The following DYNLL1 variants were observed in gnomAD, a reference collection of about 807,000 sequenced individuals.
The protein encoded by DYNLL1 is dynein light chain 1, cytoplasmic.
DYNLL1 carries 3 observed loss-of-function variants against 10.1 expected under a neutral mutation model. The ratio of observed to expected loss-of-function variants is 0.30; its 90% CI spans 0.14 to 0.77. The LOEUF (loss-of-function observed/expected upper bound fraction) is 0.77, where lower values mean the gene tolerates loss of function less well. Among genes scored for constraint, DYNLL1 ranks in the 30% least tolerant of loss-of-function variants. The probability of loss-of-function intolerance (pLI) is 0.66; values close to 1 mark genes in which losing one functional copy is unlikely to be tolerated. For missense variants in DYNLL1, 47 were observed against 111.7 expected, an observed-to-expected ratio of 0.42 and a Z score of 2.61; for synonymous variants, 46 against 41.2, an observed-to-expected ratio of 1.12 and a Z score of -0.45.
chr12:120,487,640 G>T (rs1017263542), intron 1 of DYNLL1, among the ~76,000 whole-genome samples: 2 of 152,118 alleles, frequency 1.3e-5, no homozygotes, highest in East Asian at 3.9e-4. Flanking sequence ...ACAAAAGGGG[G>T]TGGGCTAGCT....
At chr12:120,474,404 C>A (rs1036873062) in intron 1 of DYNLL1, among the ~76,000 whole-genome samples, 21 of 150,558 alleles carry the variant, frequency 1.4e-4, no homozygotes, top group Admixed American at 8.0e-4. Flanking sequence ...TTATTCTCCA[C>A]CAGAGTGTAG....
intron 1 of DYNLL1, among the ~76,000 whole-genome samples, chr12:120,479,468 AAATAATAAT>A (rs758249930): frequency 0.025 from 2,687 of 109,206 alleles, 47 homozygotes; most frequent in Non-Finnish European, 0.034. Context: ...AAAAAAAAAA[AAATAATAAT>A]AATAATAATA....
intron 1 of DYNLL1, among the ~76,000 whole-genome samples, chr12:120,473,064 G>A (rs778221572): frequency 6.6e-6 from 1 of 152,174 alleles, no homozygotes; most frequent in Non-Finnish European, 1.5e-5. Context: ...CAATAATACA[G>A]CTCTGTCCTT....
upstream of DYNLL1, among the ~76,000 whole-genome samples, chr12:120,492,439 C>T (rs542854444): frequency 9.2e-5 from 14 of 152,138 alleles, no homozygotes; most frequent in Admixed American, 5.2e-4. This position sits in a 1 kb window ranked among gnomAD's most constrained non-coding sequence, Gnocchi z 4.1. Flanking sequence ...TAGTGGCAAA[C>T]GCCTGTAATC....
chr12:120,496,266 C>G, intron 1 of DYNLL1, 50 bp downstream of exon 1: 1 of 1,174,152 alleles, frequency 8.5e-7, no homozygotes, highest in South Asian at 1.5e-5. Flanking sequence ...TATTTCGCCC[C>G]ACTCCGGACT....
At chr12:120,494,022 T>C (rs1461713664), upstream of DYNLL1, 1 of 152,044 alleles carries the variant, frequency 6.6e-6, no homozygotes, top group African/African-American at 2.4e-5. Context: ...AGTGTAGATA[T>C]GGAAAAAAAT....
chr12:120,477,371 C>A (rs903548006), intron 1 of DYNLL1, among the ~76,000 whole-genome samples: 16 of 152,114 alleles, frequency 1.1e-4, no homozygotes, highest in African/African-American at 3.9e-4. Flanking sequence ...CCACATTTAT[C>A]GAGCCATAGA....
chr12:120,476,940 T>TC (rs1254290286), intron 1 of DYNLL1, among the ~76,000 whole-genome samples: 5 of 148,814 alleles, frequency 3.4e-5, no homozygotes, highest in Non-Finnish European at 7.4e-5. Flanking sequence ...TTTTTTGTTT[T>TC]TTTTTTTGAG....
In DYNLL1 at chr12:120,498,366, G is replaced by T; in HGVS notation, c.*156G>T. On this transcript the variant is annotated 3_prime_UTR_variant, in exon 3 of 3. Transcript: ENST00000242577. ...TTTGTACAGGGCATTCTCTGTACTA[G>T]TTTGTCGTGGTTATAAAACAATTAG... is the stretch of plus-strand genomic sequence containing the variant. 1 of 793,902 alleles carries T rather than the reference G, an allele frequency of 1.3e-6. No individual in the cohort carries two copies. The highest frequency in any genetic ancestry group is 3.0e-5 in the East Asian group (1 of 33,748). The allele number at this position is 793,902 out of a possible 1,614,324, so 49.2% of individuals were successfully genotyped here.
At chr12:120,485,588 C>G (rs1036435739) in intron 1 of DYNLL1, among the ~76,000 whole-genome samples, 1 of 151,750 alleles carries the variant, frequency 6.6e-6, no homozygotes, top group Non-Finnish European at 1.5e-5. Flanking sequence ...GCCTATAATA[C>G]CAGCACTTTT....
intron 1 of DYNLL1, among the ~76,000 whole-genome samples, chr12:120,478,235 G>A (rs1218484410): frequency 6.6e-6 from 1 of 151,816 alleles, no homozygotes; most frequent in Non-Finnish European, 1.5e-5. Context: ...GGCTTCCTGA[G>A]TAGCTGGGAT....
intron 2 of DYNLL1, chr12:120,497,488 TTC>T (rs752404858): frequency 6.6e-6 from 1 of 152,474 alleles, no homozygotes; most frequent in East Asian, 1.9e-4. Context: ...AGTTGACAGA[TTC>T]TGTTTCCAGC....
chr12:120,473,049 G>A (rs1209394471), intron 1 of DYNLL1, among the ~76,000 whole-genome samples: 1 of 152,112 alleles, frequency 6.6e-6, no homozygotes. Flanking sequence ...GAGGCCCAGG[G>A]CATGCAATAA....
At chr12:120,489,728 A>G (rs1163219503) in intron 1 of DYNLL1, among the ~76,000 whole-genome samples, 3 of 152,088 alleles carry the variant, frequency 2.0e-5, no homozygotes, top group African/African-American at 7.2e-5. Context: ...TCACCCAGCG[A>G]TGCTTGGTTC....
At chr12:120,496,905 G>C (rs758059068) in intron 2 of DYNLL1, 55 of 466,300 alleles carry the variant, frequency 1.2e-4, no homozygotes, top group Admixed American at 3.2e-4. Flanking sequence ...GTTTCCAGCC[G>C]GGCCGGGAGG....
Position 120,498,223 on chromosome 12 carries a change from T to C in DYNLL1, c.*13T>C, listed in dbSNP as rs1292401725. 6.2e-7 allele frequency: 1 copy of C among 1,606,782 alleles called. No individual in the cohort carries two copies. The highest frequency in any genetic ancestry group is 1.7e-5 in the Admixed American group (1 of 59,038). On this transcript the variant is annotated 3_prime_UTR_variant, in exon 3 of 3. Transcript: ENST00000242577. Reference sequence around the variant, plus strand: ...CAAATCTGGTTAAAAGCATGGACTGTGCCACACACCCAGTGATCCATCCAA... The same window carrying C: ...CAAATCTGGTTAAAAGCATGGACTGCGCCACACACCCAGTGATCCATCCAA...
chr12:120,487,121 C>T (rs553810270), intron 1 of DYNLL1, among the ~76,000 whole-genome samples: 2 of 151,150 alleles, frequency 1.3e-5, no homozygotes, highest in African/African-American at 4.9e-5. Flanking sequence ...ACTACAGGCG[C>T]CCGCCACCAC....
intron 1 of DYNLL1, among the ~76,000 whole-genome samples, chr12:120,486,961 A>G (rs1015758831): frequency 6.6e-6 from 1 of 151,562 alleles, no homozygotes; most frequent in Non-Finnish European, 1.5e-5. Context: ...ACCTCGGGTT[A>G]AAACAGGAGA....
intron 1 of DYNLL1, among the ~76,000 whole-genome samples, chr12:120,471,271 G>C (rs1878644640): frequency 6.6e-6 from 1 of 151,542 alleles, no homozygotes; most frequent in Non-Finnish European, 1.5e-5. Context: ...TGCTTGGGAG[G>C]ATGAGGCACG....
Sources: allele counts gnomAD v4.1 joint callset (sites outside exome capture counted in the v4.1 genomes callset), GRCh38; gene constraint gnomAD v4.1.1; non-coding constraint Gnocchi (gnomAD v3.1); transcripts MANE v1.5; gene names NCBI Gene and HGNC (gene_info 2026-07-23, HGNC 2026-07-21).